MACROD2: variants seen among roughly 807,000 people sequenced by gnomAD.
MACROD2 encodes the protein ADP-ribose glycohydrolase MACROD2.
Under a neutral mutation model 70.4 loss-of-function variants are expected in MACROD2, and 36 were observed. The observed-to-expected ratio is 0.51, with a 90% CI of 0.39 to 0.68. The LOEUF is 0.68. Ranked by LOEUF, MACROD2 falls within the 30% of genes least tolerant of loss-of-function variation. The probability of loss-of-function intolerance (pLI) is 0.00; values close to 1 mark genes in which losing one functional copy is unlikely to be tolerated. For missense variants in MACROD2, 496 were observed against 538.4 expected, an observed-to-expected ratio of 0.92 and a Z score of 0.78; for synonymous variants, 172 against 178.8, an observed-to-expected ratio of 0.96 and a Z score of 0.30.
At chr20:15,389,990 A>G (rs1245144885) in intron 6 of MACROD2, among the ~76,000 whole-genome samples, 1 of 152,210 alleles carries the variant, frequency 6.6e-6, no homozygotes, top group Non-Finnish European at 1.5e-5. Context: ...AATGGAAGAG[A>G]GACTGATGGG....
At chr20:14,080,315 C>T (rs769019840) in intron 2 of MACROD2, among the ~76,000 whole-genome samples, 75 of 151,520 alleles carry the variant, frequency 4.9e-4, no homozygotes, top group Non-Finnish European at 9.1e-4. Context: ...TGGTGGCAGG[C>T]GCCTGTAGTC....
chr20:15,649,100 C>CCCCTCCCCTT (rs2049600715), intron 8 of MACROD2, among the ~76,000 whole-genome samples: 3 of 88,142 alleles, frequency 3.4e-5, no homozygotes, highest in Non-Finnish European at 4.6e-5. Flanking sequence ...TCCCTCCCCT[C>CCCCTCCCCTT]CCCTCCCCTT....
intron 8 of MACROD2, among the ~76,000 whole-genome samples, chr20:15,589,053 T>G (rs1440661545): frequency 6.6e-6 from 1 of 152,194 alleles, no homozygotes; most frequent in Non-Finnish European, 1.5e-5. Flanking sequence ...TTAATTGGAC[T>G]TACAGCCCCA....
chr20:14,296,419 A>C (rs2082428250), intron 3 of MACROD2, among the ~76,000 whole-genome samples: 1 of 151,998 alleles, frequency 6.6e-6, no homozygotes. Context: ...AGCAACAAAT[A>C]CATAAATATA....
intron 5 of MACROD2, among the ~76,000 whole-genome samples, chr20:15,177,528 C>T (rs1394321780): frequency 7.0e-6 from 1 of 143,648 alleles, no homozygotes; most frequent in Non-Finnish European, 1.5e-5. Context: ...CATTCATCGC[C>T]ATTGAATCTG....
chr20:15,843,490 A>G (rs2064196990), intron 8 of MACROD2, among the ~76,000 whole-genome samples: 1 of 152,206 alleles, frequency 6.6e-6, no homozygotes, highest in African/African-American at 2.4e-5. Flanking sequence ...TCTGCTAAAT[A>G]AATAGGCCTG....
chr20:16,000,980 A>G (rs987059690), intron 15 of MACROD2, among the ~76,000 whole-genome samples: 1 of 152,224 alleles, frequency 6.6e-6, no homozygotes, highest in African/African-American at 2.4e-5. Context: ...CTATTATGTG[A>G]TAGGTTTTGG....
intron 6 of MACROD2, among the ~76,000 whole-genome samples, chr20:15,426,594 C>A (rs1286674804): frequency 6.6e-6 from 1 of 152,094 alleles, no homozygotes; most frequent in African/African-American, 2.4e-5. Flanking sequence ...GATTTGTCTG[C>A]CTCGGCCTCA....
chr20:15,223,729 C>T (rs925168674), intron 5 of MACROD2, among the ~76,000 whole-genome samples: 5 of 152,108 alleles, frequency 3.3e-5, no homozygotes, highest in Non-Finnish European at 5.9e-5. Context: ...CAAAATAAAG[C>T]GCCAACTGTC....
chr20:15,766,049 T>A (rs554386813), intron 8 of MACROD2, among the ~76,000 whole-genome samples: 29 of 152,276 alleles, frequency 1.9e-4, no homozygotes, highest in Middle Eastern at 3.4e-3. Flanking sequence ...ATGATGGAAA[T>A]AATTGTCATA....
intron 5 of MACROD2, among the ~76,000 whole-genome samples, chr20:15,017,168 G>A (rs2075128032): frequency 6.6e-6 from 1 of 152,290 alleles, no homozygotes; most frequent in East Asian, 1.9e-4. Context: ...AAGCAAGGTA[G>A]TTACTTCCTA....
intron 6 of MACROD2, 35 bp from the exon 7 acceptor site, chr20:15,431,370 T>C (rs751446453): frequency 5.7e-6 from 9 of 1,591,294 alleles, no homozygotes; most frequent in Non-Finnish European, 7.8e-6. Flanking sequence ...GTTGTTTCTT[T>C]AATATTCATT....
Position 14,915,610 on chromosome 20 carries a change from G to A in MACROD2, c.418+230651G>A, listed in dbSNP as rs369727196. 1.6e-4 allele frequency among the ~76,000 whole-genome samples: 24 copies of A among 152,244 alleles called. No homozygotes were observed. In the South Asian group the frequency reaches 2.9e-3, roughly 18 times the overall value. ...TTGCTTGCCTCGGCGTCCGAGGAGC[G>A]GCTGTGCCCGACTGTGTGAGGCCGC... On this transcript the variant is annotated intron_variant, in intron 5 of 17. Coordinates refer to ENST00000684519, the MANE Select transcript of MACROD2 (RefSeq NM_001351661.2).
At chr20:14,312,886 C>T (rs751884126) in intron 3 of MACROD2, among the ~76,000 whole-genome samples, 1 of 152,202 alleles carries the variant, frequency 6.6e-6, no homozygotes, top group Admixed American at 6.5e-5. Flanking sequence ...TTTTCACAAC[C>T]ACTATCCTGT....
chr20:14,123,056 T>C (rs1235041892), intron 3 of MACROD2, among the ~76,000 whole-genome samples: 2 of 152,142 alleles, frequency 1.3e-5, no homozygotes, highest in African/African-American at 2.4e-5. Context: ...ACAGAGAAAT[T>C]AGCCTGTTTC....
intron 8 of MACROD2, among the ~76,000 whole-genome samples, chr20:15,519,827 T>C (rs2047627146): frequency 6.6e-6 from 1 of 152,206 alleles, no homozygotes; most frequent in Non-Finnish European, 1.5e-5. Context: ...AAAGCCATTC[T>C]TGGAGTCAGG....
At chr20:15,039,441 G>A (rs1367359306) in intron 5 of MACROD2, among the ~76,000 whole-genome samples, 1 of 152,162 alleles carries the variant, frequency 6.6e-6, no homozygotes, top group African/African-American at 2.4e-5. Flanking sequence ...ACACCTTGGT[G>A]GAGAAAGGGA....
intron 3 of MACROD2, among the ~76,000 whole-genome samples, chr20:14,357,307 G>T: frequency 6.6e-6 from 1 of 152,038 alleles, no homozygotes. Context: ...ACCATCTTAG[G>T]ACTTTTTACT....
chr20:14,237,652 A>G (rs1366473450), intron 3 of MACROD2, among the ~76,000 whole-genome samples: 3 of 151,712 alleles, frequency 2.0e-5, no homozygotes, highest in Non-Finnish European at 2.9e-5. Flanking sequence ...TTAACTTGTC[A>G]TTTAGCATTA....
Sources: gnomAD v4.1 joint callset for allele counts (sites outside exome capture counted in the v4.1 genomes callset) on GRCh38, gnomAD v4.1.1 for gene constraint, MANE v1.5 for transcripts, NCBI Gene and HGNC (gene_info 2026-07-23, HGNC 2026-07-21) for gene names.